ATP6V1C2: variants seen among roughly 807,000 people sequenced by gnomAD.
The protein encoded by ATP6V1C2 is ATPase H+ transporting V1 subunit C2, also known as V-type proton ATPase subunit C 2.
Under a neutral mutation model 56.8 loss-of-function variants are expected in ATP6V1C2, and 45 were observed. The ratio of observed to expected loss-of-function variants is 0.79; its 90% CI spans 0.62 to 1.02. ATP6V1C2 has a LOEUF of 1.02. Among genes scored for constraint, ATP6V1C2 ranks in the 50% least tolerant of loss-of-function variants. The pLI is 0.00. For synonymous variants in ATP6V1C2, 220 were observed against 201.3 expected (o/e 1.09, Z -0.79); for missense variants, 463 against 519.7 (o/e 0.89, Z 1.06).
rs867071617 is a variant in ATP6V1C2, at chr2:10,726,540, G to T, written c.168G>T (p.Glu56Asp). 6.2e-7 allele frequency: 1 copy of T among 1,613,996 alleles called. No homozygotes were observed. Among genetic ancestry groups the T allele is most frequent in the Admixed American group, 1.7e-5 (1 of 60,016 alleles). The change falls in exon 3 of 14, where the codon GAG becomes GAT. Residue 56 changes from glutamate (E) to aspartate (D), a missense_variant. By Grantham distance (45) the Glu-to-Asp change is conservative. Coordinates refer to ENST00000272238, the MANE Select transcript of ATP6V1C2 (RefSeq NM_001039362.2). ...ATTCCCTGGTTGGCCTCTCTGATGA[G>T]TTGGGGAAACTCGACACCTTTGCTG... ...TLDSLVGLSD[E>D]LGKLDTFAES...
In ATP6V1C2 at chr2:10,784,479, T is replaced by C. The variant is rs570467838; in HGVS notation, c.*1216T>C. ...ACTCCTACCCTGACCTTCGTACCTA[T>C]GATTATACGGATGGAAAAGCTCAGA... On this transcript the variant is annotated 3_prime_UTR_variant, in exon 14 of 14. Coordinates refer to ENST00000272238, the MANE Select transcript of ATP6V1C2 (RefSeq NM_001039362.2). 8 of 577,046 alleles carry C rather than the reference T, an allele frequency of 1.4e-5. No homozygotes were observed. Among genetic ancestry groups the C allele is most frequent in the East Asian group, 1.2e-4 (4 of 34,762 alleles). The allele number at this position is 577,046 out of a possible 1,614,324, so 35.7% of individuals were successfully genotyped here.
intron 3 of ATP6V1C2, among the ~76,000 whole-genome samples, chr2:10,736,300 T>G (rs1350970423): frequency 1.3e-5 from 2 of 152,238 alleles, no homozygotes; most frequent in African/African-American, 4.8e-5. Context: ...TGGTACGTTT[T>G]TAGTAGTTCT....
chr2:10,760,036 T>TG lies in ATP6V1C2; in HGVS notation c.284-4295_284-4294insG, dbSNP rs549655019. On this transcript the variant is annotated intron_variant, in intron 4 of 13. Coordinates refer to ENST00000272238, the MANE Select transcript of ATP6V1C2 (RefSeq NM_001039362.2). ...AAGCAGTTTTTTGTTTTTTGTTTTT[T>TG]TTTTTTTTGCTTTTTGAAAAAAAAT... Among the ~76,000 whole-genome samples the TG allele has an allele frequency of 4.7e-3, 712 of 151,100 alleles. 3 individuals are homozygous for TG. The highest frequency in any genetic ancestry group is 0.011 in the Admixed American group (168 of 15,194).
chr2:10,770,781 C>T (rs969574413), intron 6 of ATP6V1C2, among the ~76,000 whole-genome samples: 8 of 152,204 alleles, frequency 5.3e-5, no homozygotes, highest in African/African-American at 1.7e-4. Flanking sequence ...TTTCTAACTC[C>T]CTCCTCTGCG....
Position 10,784,291 on chromosome 2 carries a change from C to A in ATP6V1C2, c.*1028C>A. 6.2e-7 allele frequency: 1 copy of A among 1,613,470 alleles called. No homozygotes were observed. Among genetic ancestry groups the A allele is most frequent in the South Asian group, 1.1e-5 (1 of 90,958 alleles). On this transcript the variant is annotated 3_prime_UTR_variant, in exon 14 of 14. Transcript: ENST00000272238. Reference sequence around the variant, plus strand: ...CATCTTTCCCTAAGTCATCAAGCTCCACATCACTGAGGTCAATGTCATCCT... The same window carrying A: ...CATCTTTCCCTAAGTCATCAAGCTCAACATCACTGAGGTCAATGTCATCCT...
intron 2 of ATP6V1C2, 63 bp from the exon 3 acceptor site, chr2:10,726,439 T>G: frequency 2.3e-6 from 3 of 1,287,506 alleles, no homozygotes; most frequent in African/African-American, 1.5e-5. Context: ...TGCCGTGTTG[T>G]TGAGATGGCA....
chr2:10,749,090 A>G (rs1317743645), intron 3 of ATP6V1C2, among the ~76,000 whole-genome samples: 1 of 145,216 alleles, frequency 6.9e-6, no homozygotes, highest in Non-Finnish European at 1.5e-5. Context: ...AGATCACACC[A>G]TTGTATTCCC....
At chr2:10,759,452 C>T (rs1369480822) in intron 4 of ATP6V1C2, among the ~76,000 whole-genome samples, 1 of 152,152 alleles carries the variant, frequency 6.6e-6, no homozygotes, top group African/African-American at 2.4e-5. Context: ...GCCGGGCAGG[C>T]CTCCTTTTTG....
intron 3 of ATP6V1C2, 83 bp downstream of exon 3, chr2:10,726,652 C>T (rs903061696): frequency 2.4e-5 from 31 of 1,293,328 alleles, no homozygotes; most frequent in Middle Eastern, 2.0e-4. Context: ...TTGGCTGAAC[C>T]GGAGTATGGA....
chr2:10,742,333 A>G (rs945394890), intron 3 of ATP6V1C2, among the ~76,000 whole-genome samples: 1 of 152,132 alleles, frequency 6.6e-6, no homozygotes, highest in African/African-American at 2.4e-5. Context: ...GATCCTCAGA[A>G]CCTGTATCCA....
At chr2:10,740,200 G>C (rs1205083095) in intron 3 of ATP6V1C2, among the ~76,000 whole-genome samples, 2 of 152,080 alleles carry the variant, frequency 1.3e-5, no homozygotes, top group Non-Finnish European at 2.9e-5. Context: ...GTTTTCCAAT[G>C]AAGTTAGAAG....
rs954200017 is a variant in ATP6V1C2 at position 10,777,467 on chromosome 2, C to T, written c.826-118C>T. On this transcript the variant is annotated intron_variant, in intron 10 of 13. Transcript: ENST00000272238. ...TCTAGTCTAGCCAGCACGCGAGTCC[C>T]GAGGGTGGGCCTGAATTCCTGAGCT... 9 of 1,371,680 alleles carry T rather than the reference C, an allele frequency of 6.6e-6. No homozygotes were observed. The African/African-American group carries it at 1.0e-4, about 15-fold the overall frequency. 85.0% of individuals were successfully genotyped at this position (1,371,680 alleles called of 1,614,324 possible).
At chr2:10,762,395 C>T (rs1383625758) in intron 4 of ATP6V1C2, among the ~76,000 whole-genome samples, 1 of 152,122 alleles carries the variant, frequency 6.6e-6, no homozygotes, top group East Asian at 1.9e-4. Context: ...CCACCTGCTT[C>T]AGCCTCCCAA....
chr2:10,727,617 G>A (rs914293920), intron 3 of ATP6V1C2, among the ~76,000 whole-genome samples: 1 of 152,138 alleles, frequency 6.6e-6, no homozygotes, highest in African/African-American at 2.4e-5. Flanking sequence ...GAAGGTTTCC[G>A]GCCAGGAGTG....
At chr2:10,723,283 A>G (rs1483989317) in intron 2 of ATP6V1C2, among the ~76,000 whole-genome samples, 2 of 152,218 alleles carry the variant, frequency 1.3e-5, no homozygotes, top group Admixed American at 6.5e-5. Context: ...ATGCACACTC[A>G]GGTTCTCTTG....
intron 5 of ATP6V1C2, chr2:10,768,225 A>G (rs930285913): frequency 5.8e-5 from 9 of 155,562 alleles, no homozygotes; most frequent in African/African-American, 2.2e-4. Flanking sequence ...AACCTGAGCC[A>G]GTCGGCCAGA....
At chr2:10,761,086 G>A (rs1663878806) in intron 4 of ATP6V1C2, among the ~76,000 whole-genome samples, 1 of 152,216 alleles carries the variant, frequency 6.6e-6, no homozygotes, top group South Asian at 2.1e-4. Context: ...AGGCCAGCAG[G>A]GGCAGGGACA....
chr2:10,739,154 A>G lies in ATP6V1C2; in HGVS notation c.197+12585A>G, dbSNP rs569945183. On this transcript the variant is annotated intron_variant, in intron 3 of 13. Transcript: ENST00000272238. Reference sequence around the variant, plus strand: ...AAAAATTAGCTGGGCATTGTGGCGCATGCCTGCAATCCCAGCTACTCGGGA... The same window carrying G: ...AAAAATTAGCTGGGCATTGTGGCGCGTGCCTGCAATCCCAGCTACTCGGGA... Among the ~76,000 whole-genome samples the G allele has an allele frequency of 3.9e-5, 6 of 152,240 alleles. No homozygotes were observed. In the East Asian group the frequency reaches 7.7e-4, roughly 20 times the overall value.
intron 3 of ATP6V1C2, among the ~76,000 whole-genome samples, chr2:10,741,233 C>G (rs1662534254): frequency 6.6e-6 from 1 of 152,230 alleles, no homozygotes. Flanking sequence ...TCCAGAGTCC[C>G]CAGGGGGAGC....
Sources: gnomAD v4.1 joint callset for allele counts (sites outside exome capture counted in the v4.1 genomes callset) on GRCh38, gnomAD v4.1.1 for gene constraint, MANE v1.5 for transcripts, NCBI Gene and HGNC (gene_info 2026-07-23, HGNC 2026-07-21) for gene names.